Variants in CELF2 observed in about 807,000 individuals in gnomAD.
CELF2 encodes CUGBP Elav-like family member 2, also known as CUG triplet repeat RNA-binding protein 2.
In CELF2, 8 loss-of-function variants were observed where a neutral mutation model predicts 62.6. The ratio of observed to expected loss-of-function variants is 0.13; its 90% CI spans 0.07 to 0.23. The LOEUF (loss-of-function observed/expected upper bound fraction) is 0.23, where lower values mean the gene tolerates loss of function less well. Among genes scored for constraint, CELF2 ranks in the 10% least tolerant of loss-of-function variants. CELF2 has a pLI of 1.00. For missense variants in CELF2, 333 were observed against 671.0 expected (o/e 0.50, Z 5.56); for synonymous variants, 258 against 250.0 (o/e 1.03, Z -0.30).
At chr10:11,240,158 C>T (rs998857585) in intron 3 of CELF2, among the ~76,000 whole-genome samples, 1 of 152,210 alleles carries the variant, frequency 6.6e-6, no homozygotes, top group African/African-American at 2.4e-5. Flanking sequence ...TATTCTGCCT[C>T]CATCATGGAA....
the CELF2 span, among the ~76,000 whole-genome samples, chr10:10,571,319 T>G: frequency 6.6e-6 from 1 of 152,316 alleles, no homozygotes; most frequent in East Asian, 1.9e-4. Flanking sequence ...CAGACACATT[T>G]GGCTGGTTGG....
At chr10:11,015,689 CCTCT>C (rs1269112586), upstream of CELF2, among the ~76,000 whole-genome samples, 4 of 152,306 alleles carry the variant, frequency 2.6e-5, no homozygotes, top group East Asian at 1.9e-4. This position sits in a 1 kb window ranked among gnomAD's most constrained non-coding sequence, Gnocchi z 4.8. Context: ...CACTTGGAAT[CCTCT>C]CTCTATGACC....
exon 1 of CELF2, chr10:10,798,743 G>C (rs1366752026): frequency 2.5e-6 from 1 of 398,650 alleles, no homozygotes; most frequent in Non-Finnish European, 4.4e-6. Flanking sequence ...CTCCGGACTC[G>C]CCCTCAGCCG....
chr10:10,874,973 T>G (rs1163486612), intron 1 of CELF2, among the ~76,000 whole-genome samples: 1 of 152,222 alleles, frequency 6.6e-6, no homozygotes, highest in African/African-American at 2.4e-5. Context: ...TTCATTAAAA[T>G]TGATCAAAGA....
At chr10:11,007,252 A>G (rs1196108870) in intron 1 of CELF2, among the ~76,000 whole-genome samples, 2 of 152,182 alleles carry the variant, frequency 1.3e-5, no homozygotes, top group African/African-American at 4.8e-5. Flanking sequence ...ATTGGATTAT[A>G]TTTTGGTTTA....
chr10:10,712,066 T>G, the CELF2 span, among the ~76,000 whole-genome samples: 11 of 145,780 alleles, frequency 7.5e-5, no homozygotes, highest in African/African-American at 2.5e-4. Context: ...CACTTTTCCC[T>G]GAATTTCCTC....
the CELF2 span, among the ~76,000 whole-genome samples, chr10:10,642,121 C>T: frequency 6.6e-6 from 1 of 152,170 alleles, no homozygotes; most frequent in Non-Finnish European, 1.5e-5. Context: ...AGGAAGCTTG[C>T]CAGATATAGC....
chr10:10,633,134 G>A, the CELF2 span, among the ~76,000 whole-genome samples: 3 of 152,064 alleles, frequency 2.0e-5, no homozygotes, highest in Non-Finnish European at 2.9e-5. Context: ...TATGGAAATG[G>A]GCTTTTGGGC....
the CELF2 span, among the ~76,000 whole-genome samples, chr10:10,674,183 C>A: frequency 6.6e-6 from 1 of 152,114 alleles, no homozygotes; most frequent in Admixed American, 6.6e-5. Context: ...ATTGGTTTTG[C>A]CTGGTATATT....
intron 8 of CELF2, among the ~76,000 whole-genome samples, chr10:11,284,728 G>A (rs2090569347): frequency 6.6e-6 from 1 of 151,090 alleles, no homozygotes; most frequent in Non-Finnish European, 1.5e-5. Flanking sequence ...GAGGATAATG[G>A]ATGGATGGGT....
intron 2 of CELF2, among the ~76,000 whole-genome samples, chr10:10,953,500 C>G (rs1182282737): frequency 6.6e-6 from 1 of 152,148 alleles, no homozygotes; most frequent in Non-Finnish European, 1.5e-5. Flanking sequence ...TGTTATAAAT[C>G]CTACCTACAC....
At chr10:11,021,250 G>A (rs1449189321) in intron 1 of CELF2, among the ~76,000 whole-genome samples, 1 of 152,216 alleles carries the variant, frequency 6.6e-6, no homozygotes, top group Non-Finnish European at 1.5e-5. Context: ...AAGACACTGA[G>A]AAGAGTCTAC....
intron 4 of CELF2, among the ~76,000 whole-genome samples, chr10:11,254,806 G>C (rs1775195348): frequency 6.6e-6 from 1 of 152,174 alleles, no homozygotes; most frequent in African/African-American, 2.4e-5. Flanking sequence ...GCCAGCCATA[G>C]TTTGCTGGGG....
At chr10:10,981,643 G>A (rs936505304) in intron 2 of CELF2, among the ~76,000 whole-genome samples, 5 of 152,136 alleles carry the variant, frequency 3.3e-5, no homozygotes, top group African/African-American at 1.2e-4. Context: ...CCCTTTTCTA[G>A]GGCTCTGCTC....
the CELF2 span, among the ~76,000 whole-genome samples, chr10:10,539,214 T>C: frequency 6.6e-6 from 1 of 152,226 alleles, no homozygotes; most frequent in African/African-American, 2.4e-5. Context: ...TATTTTCTCA[T>C]CTATACAAAG....
the CELF2 span, among the ~76,000 whole-genome samples, chr10:10,562,164 T>C: frequency 6.6e-6 from 1 of 152,156 alleles, no homozygotes. Context: ...TTTCCAGCTG[T>C]AGTCACTCTA....
At chr10:10,478,438 C>T in the CELF2 span, among the ~76,000 whole-genome samples, 6 of 152,204 alleles carry the variant, frequency 3.9e-5, no homozygotes, top group South Asian at 4.1e-4. Context: ...CTAATGTACA[C>T]GTTCCTCTTG....
upstream of CELF2, chr10:10,796,843 T>A: frequency 1.0e-6 from 1 of 975,092 alleles, no homozygotes; most frequent in Non-Finnish European, 1.2e-6. Context: ...AGATTCACAG[T>A]GGGATAACAC....
chr10:10,724,365 A>C, the CELF2 span, among the ~76,000 whole-genome samples: 3 of 152,118 alleles, frequency 2.0e-5, no homozygotes, highest in Admixed American at 2.0e-4. Context: ...GTGGTGGCTC[A>C]GGCCTGTAAT....
Sources: allele counts gnomAD v4.1 joint callset (sites outside exome capture counted in the v4.1 genomes callset), GRCh38; gene constraint gnomAD v4.1.1; non-coding constraint Gnocchi (gnomAD v3.1); transcripts MANE v1.5; gene names NCBI Gene and HGNC (gene_info 2026-07-23, HGNC 2026-07-21).